Variants in CCDC27 observed in about 807,000 individuals in gnomAD.
The protein encoded by CCDC27 is coiled-coil domain-containing protein 27.
In CCDC27, 80 loss-of-function variants were observed where a neutral mutation model predicts 80.3. The ratio of observed to expected loss-of-function variants is 1.00; its 90% CI spans 0.83 to 1.20. The LOEUF is 1.20. CCDC27 is among the 50% of genes most tolerant of loss of function. The probability of loss-of-function intolerance (pLI) is 0.00; values close to 1 mark genes in which losing one functional copy is unlikely to be tolerated. For synonymous variants in CCDC27, 342 were observed against 334.3 expected (o/e 1.02, Z -0.25); for missense variants, 815 against 809.4 (o/e 1.01, Z -0.08).
intron 4 of CCDC27, among the ~76,000 whole-genome samples, chr1:3,759,539 C>G (rs1643040141): frequency 6.6e-6 from 1 of 152,190 alleles, no homozygotes; most frequent in Non-Finnish European, 1.5e-5. Context: ...TGATTTTTCT[C>G]TAGTGTCTGC....
At chr1:3,757,871 G>C (rs1417469922) in intron 4 of CCDC27, among the ~76,000 whole-genome samples, 4 of 150,262 alleles carry the variant, frequency 2.7e-5, no homozygotes, top group Non-Finnish European at 5.9e-5. Flanking sequence ...GCAGTGTGCT[G>C]AGATCGCGCC....
At position 3,769,943 on chromosome 1, in the gene CCDC27, T is replaced by A. The variant is rs1643320800; in HGVS notation, c.1848+56T>A. The A allele has an allele frequency of 1.6e-6, 2 of 1,290,150 alleles. No individual in the cohort carries two copies. 79.9% of individuals were successfully genotyped at this position (1,290,150 alleles called of 1,614,324 possible). A position where few individuals can be genotyped will look rare whatever the true frequency, so the allele number is the denominator to read the frequency against. ...GGGCCCCAGACCCCCAGGCCAGAGC[T>A]GTGGTAGGGGGTTGTGGGGGGCCTA... On this transcript the variant is annotated intron_variant, in intron 11 of 11. Coordinates refer to ENST00000294600, the MANE Select transcript of CCDC27 (RefSeq NM_152492.3). The surrounding 1 kb of genome is among the most constrained non-coding windows in gnomAD (Gnocchi z 4.6).
intron 6 of CCDC27, 176 bp from the exon 7 acceptor site, chr1:3,762,932 C>T: frequency 1.2e-6 from 1 of 864,748 alleles, no homozygotes; most frequent in Non-Finnish European, 1.7e-6. Context: ...TGACAGAGGC[C>T]ACAGTGCCTG....
rs1643315515 is a variant in CCDC27 at position 3,769,822 on chromosome 1, A to G, written c.1783A>G (p.Ser595Gly). 3.1e-6 allele frequency: 5 copies of G among 1,613,902 alleles called. No individual in the cohort carries two copies. Among genetic ancestry groups the G allele is most frequent in the Non-Finnish European group, 2.5e-6 (3 of 1,179,968 alleles). The change falls in exon 11 of 12, where the codon AGC (serine) becomes GGC (glycine). Residue 595 changes from serine (S) to glycine (G), a missense_variant. Transcript: ENST00000294600. The surrounding 1 kb of genome is among the most constrained non-coding windows in gnomAD (Gnocchi z 4.6). Reference protein sequence around the residue: ...LRNKIIQATFSISGTKSLANE... With the variant: ...LRNKIIQATFGISGTKSLANE... ...GAATAAGATCATCCAGGCCACCTTT[A>G]GCATCTCCGGGACCAAGTCCTTGGC...
chr1:3,767,930 A>T (rs1375597439), intron 10 of CCDC27, among the ~76,000 whole-genome samples: 1 of 152,218 alleles, frequency 6.6e-6, no homozygotes, highest in Non-Finnish European at 1.5e-5. Context: ...AAGGATGAAC[A>T]GTCCCCCTGG....
rs1398466537 is a variant in CCDC27, at chr1:3,753,030, GCTT to G, written c.318+237_318+239del. Among the ~76,000 whole-genome samples, 7 of 152,346 alleles carry G rather than the reference GCTT, an allele frequency of 4.6e-5. No individual in the cohort carries two copies. In the East Asian group the frequency reaches 1.3e-3, roughly 29 times the overall value. On this transcript the variant is annotated intron_variant, in intron 1 of 11. Transcript: ENST00000294600. ...GTGCCTTAGTCCCCACATGCCACCG[GCTT>G]CTTCTGGGTTAGCTGCTTTGGGTTG...
chr1:3,763,032 C>T lies in CCDC27; in HGVS notation c.955-76C>T, dbSNP rs944100441. 3.4e-5 allele frequency: 48 copies of T among 1,424,980 alleles called. No individual in the cohort carries two copies. Among genetic ancestry groups the T allele is most frequent in the East Asian group, 1.8e-4 (7 of 39,148 alleles). The allele number at this position is 1,424,980 out of a possible 1,614,324, so 88.3% of individuals were successfully genotyped here. ...AAGGAGGCGCCCTCCCCGGTGCCCC[C>T]GCCATGAGCATTAGAGCCCTCTGCC... On this transcript the variant is annotated intron_variant, in intron 6 of 11. Transcript: ENST00000294600. This position sits in a 1 kb window ranked among gnomAD's most constrained non-coding sequence, Gnocchi z 7.5.
At chr1:3,755,755 G>A in intron 3 of CCDC27, 188 bp downstream of exon 3, 1 of 596,462 alleles carries the variant, frequency 1.7e-6, no homozygotes, top group Non-Finnish European at 3.0e-6. Context: ...TGACAGCATA[G>A]GCTGCAGTCC....
chr1:3,752,927 G>T, intron 1 of CCDC27, 128 bp downstream of exon 1: 2 of 1,083,318 alleles, frequency 1.8e-6, no homozygotes, highest in Non-Finnish European at 2.6e-6. Flanking sequence ...GTTACCAAAG[G>T]GGGATTCCAG....
chr1:3,769,873 C>T lies in CCDC27; in HGVS notation c.1834C>T (p.Leu612=), dbSNP rs761418563. 1 of 1,613,674 alleles carries T rather than the reference C, an allele frequency of 6.2e-7. No individual in the cohort carries two copies. The highest frequency in any genetic ancestry group is 8.5e-7 in the Non-Finnish European group (1 of 1,179,614). ...LANEISDNDI[L]EALQRIISER... is the part of the protein sequence containing the mutation. ...CAACGAGATCTCTGACAATGACATC[C>T]TGGAAGCCCTGCAGGTATACCCCTA... Residue 612 remains leucine, a synonymous_variant, in exon 11 of 12, where the codon CTG becomes TTG. Coordinates refer to ENST00000294600, the MANE Select transcript of CCDC27 (RefSeq NM_152492.3). The surrounding 1 kb of genome is among the most constrained non-coding windows in gnomAD (Gnocchi z 4.6).
intron 2 of CCDC27, 142 bp downstream of exon 2, chr1:3,754,383 G>T: frequency 1.8e-6 from 2 of 1,130,450 alleles, no homozygotes; most frequent in South Asian, 1.7e-5. Context: ...TTTGAAATCC[G>T]CTCTGTGCTC....
chr1:3,756,612 G>T, intron 3 of CCDC27, 121 bp from the exon 4 acceptor site: 2 of 1,032,292 alleles, frequency 1.9e-6, no homozygotes, highest in Non-Finnish European at 2.9e-6. Flanking sequence ...ATTGGAGTCT[G>T]TCTGGGCAGA....
In CCDC27 at chr1:3,760,453, A is replaced by G. The variant is rs1451913820; in HGVS notation, c.712-828A>G. ...AGTTCTTTTTCTGAACTCTTGAGAT[A>G]GATACTTGGGTCATGATTTTCCATT... On this transcript the variant is annotated intron_variant, in intron 4 of 11. Transcript: ENST00000294600. This position sits in a 1 kb window ranked among gnomAD's most constrained non-coding sequence, Gnocchi z 4.3. Among the ~76,000 whole-genome samples, 2 of 152,186 alleles carry G rather than the reference A, an allele frequency of 1.3e-5. No homozygotes were observed. The highest frequency in any genetic ancestry group is 2.9e-5 in the Non-Finnish European group (2 of 68,044).
intron 3 of CCDC27, chr1:3,756,345 G>GA (rs535731871): frequency 0.11 from 14,926 of 137,968 alleles, 788 homozygotes; most frequent in Middle Eastern, 0.22. Context: ...ATCTCAAAAA[G>GA]AAAAAAAAAA....
At chr1:3,757,663 CTG>C (rs1642989428) in intron 4 of CCDC27, among the ~76,000 whole-genome samples, 1 of 152,050 alleles carries the variant, frequency 6.6e-6, no homozygotes, top group African/African-American at 2.4e-5. Context: ...TGGCTCACGC[CTG>C]TAATCTCAGC....
At chr1:3,754,966 G>C (rs1304857607) in intron 2 of CCDC27, among the ~76,000 whole-genome samples, 2 of 152,028 alleles carry the variant, frequency 1.3e-5, no homozygotes, top group Non-Finnish European at 2.9e-5. Flanking sequence ...GGGTCTCCAC[G>C]GTGGCCAGGG....
In CCDC27 at chr1:3,760,876, G is replaced by T. The variant is rs570308519; in HGVS notation, c.712-405G>T. On this transcript the variant is annotated intron_variant, in intron 4 of 11. Transcript: ENST00000294600. The surrounding 1 kb of genome is among the most constrained non-coding windows in gnomAD (Gnocchi z 4.3). The stretch of plus-strand genomic sequence containing the variant: ...AGAACAAAAGTTTGAGGAGCTCCCC[G>T]ACAGGCCCCTAGGGAAGCTTGGAGG... Among the ~76,000 whole-genome samples the T allele has an allele frequency of 1.2e-4, 18 of 152,318 alleles. No homozygotes were observed. The South Asian group carries it at 3.7e-3, about 32-fold the overall frequency.
Position 3,756,672 on chromosome 1 carries a change from C to T in CCDC27, c.554-61C>T, listed in dbSNP as rs1018601800. 2.9e-5 allele frequency: 46 copies of T among 1,584,540 alleles called. 1 individual carries two copies. The highest frequency in any genetic ancestry group is 1.0e-4 in the Admixed American group (6 of 59,438). On this transcript the variant is annotated intron_variant, in intron 3 of 11. Transcript: ENST00000294600. ...GAAGGGTGGATGTCGTCATCGAAGA[C>T]GCCAGAGGAGCTCGGCAGGGAAGGG...
intron 8 of CCDC27, among the ~76,000 whole-genome samples, chr1:3,764,726 C>T (rs975201509): frequency 2.5e-4 from 38 of 152,166 alleles, no homozygotes; most frequent in African/African-American, 8.5e-4. Flanking sequence ...GCACATCCTC[C>T]AGTAGTTTTA....
Sources: gnomAD v4.1 joint callset for allele counts (sites outside exome capture counted in the v4.1 genomes callset) on GRCh38, gnomAD v4.1.1 for gene constraint, Gnocchi (gnomAD v3.1) non-coding constraint, MANE v1.5 for transcripts, NCBI Gene and HGNC (gene_info 2026-07-23, HGNC 2026-07-21) for gene names.